TRIM2: variants seen among roughly 807,000 people sequenced by gnomAD.
TRIM2 encodes the protein tripartite motif-containing protein 2.
Under a neutral mutation model 75.2 loss-of-function variants are expected in TRIM2, and 20 were observed. That is an observed-to-expected ratio of 0.27 (90% CI 0.19 to 0.39). TRIM2 has a LOEUF of 0.39. Among genes scored for constraint, TRIM2 ranks in the 10% least tolerant of loss-of-function variants. TRIM2 has a pLI of 1.00. For missense variants in TRIM2, 660 were observed against 990.8 expected, an observed-to-expected ratio of 0.67 and a Z score of 4.48; for synonymous variants, 373 against 388.3, an observed-to-expected ratio of 0.96 and a Z score of 0.46.
intron 6 of TRIM2, among the ~76,000 whole-genome samples, chr4:153,300,810 A>T (rs1272574445): frequency 6.6e-6 from 1 of 151,010 alleles, no homozygotes; most frequent in Non-Finnish European, 1.5e-5. Flanking sequence ...TTTTTTATAT[A>T]CTGGTTGGCC....
At chr4:153,178,292 C>T (rs1731684535) in intron 1 of TRIM2, among the ~76,000 whole-genome samples, 1 of 152,118 alleles carries the variant, frequency 6.6e-6, no homozygotes, top group Non-Finnish European at 1.5e-5. Context: ...CTCAAGCATG[C>T]ACCCCCAGCG....
intron 1 of TRIM2, among the ~76,000 whole-genome samples, chr4:153,170,505 G>T (rs1730741447): frequency 6.6e-6 from 1 of 152,090 alleles, no homozygotes; most frequent in African/African-American, 2.4e-5. Context: ...TCTGCCGCAT[G>T]GTTGCTTTTT....
In TRIM2 at chr4:153,204,503, G is replaced by T. The variant is rs1579515222; in HGVS notation, c.-28G>T. 6.4e-7 allele frequency: 1 copy of T among 1,551,738 alleles called. No individual in the cohort carries two copies. Among genetic ancestry groups the T allele is most frequent in the Non-Finnish European group, 8.7e-7 (1 of 1,146,994 alleles). On this transcript the variant is annotated 5_prime_UTR_variant, in exon 1 of 12. Transcript: ENST00000338700. ...CGGGCTGCGGGGAGCTAAGTCCCCAGATTGGAGGAGGCTGGCTCTGGTCTT... is the reference window on the plus strand; with the variant it reads ...CGGGCTGCGGGGAGCTAAGTCCCCATATTGGAGGAGGCTGGCTCTGGTCTT...
rs537923483 is a variant in TRIM2, at chr4:153,333,843, G to T, written c.2164-971G>T. 2.0e-5 allele frequency among the ~76,000 whole-genome samples: 3 copies of T among 152,190 alleles called. No homozygotes were observed. The East Asian group carries it at 5.8e-4, about 29-fold the overall frequency. On this transcript the variant is annotated intron_variant, in intron 11 of 11. Coordinates refer to ENST00000338700, the MANE Select transcript of TRIM2 (RefSeq NM_015271.5). ...TCTAGAGATGATTTAAAATATATGGGGGGATGTGCACAGGTTAGGTGCAAA... is the reference window on the plus strand; with the variant it reads ...TCTAGAGATGATTTAAAATATATGGTGGGATGTGCACAGGTTAGGTGCAAA...
At chr4:153,181,452 T>C (rs1455987110) in intron 1 of TRIM2, among the ~76,000 whole-genome samples, 1 of 152,090 alleles carries the variant, frequency 6.6e-6, no homozygotes, top group Non-Finnish European at 1.5e-5. Flanking sequence ...GAGTCACCAT[T>C]TGAGCAGAAT....
intron 2 of TRIM2, among the ~76,000 whole-genome samples, chr4:153,271,561 G>A (rs917577878): frequency 1.9e-4 from 29 of 152,202 alleles, no homozygotes; most frequent in African/African-American, 6.7e-4. Context: ...TTTGTTTTGG[G>A]TTGTTGTGGG....
intron 1 of TRIM2, among the ~76,000 whole-genome samples, chr4:153,222,069 GAA>G (rs1740690775): frequency 7.9e-5 from 11 of 139,460 alleles, no homozygotes; most frequent in African/African-American, 2.8e-4. Context: ...AGGAAGGAAG[GAA>G]AGAAAGAGAG....
Position 153,294,364 on chromosome 4 carries a change from A to C in TRIM2, c.665A>C (p.Asn222Thr), listed in dbSNP as rs772230079. The C allele has an allele frequency of 1.2e-6, 2 of 1,614,046 alleles. No individual in the cohort carries two copies. The highest frequency in any genetic ancestry group is 3.3e-5 in the Admixed American group (2 of 60,004). ...FISEIIHQLT[N>T]QKASIVDDIH... ...TCTGAAATCATTCATCAGTTAACCA[A>C]CCAAAAGGCCAGCATCGTGGATGAC... is the stretch of plus-strand genomic sequence containing the variant. Residue 222 changes from asparagine (N) to threonine (T), a missense_variant, in exon 5 of 12, where the codon AAC becomes ACC. Around this residue, in one of 2 missense-constraint regions of TRIM2, gnomAD observed 620 missense variants for 891.0 expected, o/e 0.70. Transcript: ENST00000338700.
At chr4:153,257,271 T>C (rs1353391981) in intron 1 of TRIM2, 1 of 345,722 alleles carries the variant, frequency 2.9e-6, no homozygotes, top group Non-Finnish European at 4.6e-6. Flanking sequence ...CACGAGAGCA[T>C]GGAAACAGCT....
intron 1 of TRIM2, among the ~76,000 whole-genome samples, chr4:153,171,840 C>CTTT (rs398064151): frequency 8.7e-6 from 1 of 114,802 alleles, no homozygotes; most frequent in South Asian, 2.7e-4. Flanking sequence ...CGTTTTGGGG[C>CTTT]TTTTTTTTTT....
intron 1 of TRIM2, chr4:153,257,771 G>A (rs780769800): frequency 4.5e-6 from 2 of 447,378 alleles, no homozygotes; most frequent in Non-Finnish European, 8.6e-6. Flanking sequence ...AAATGGGTAG[G>A]TCCTAAATGT....
intron 1 of TRIM2, among the ~76,000 whole-genome samples, chr4:153,194,556 C>T (rs1579443927): frequency 6.6e-6 from 1 of 152,016 alleles, no homozygotes; most frequent in African/African-American, 2.4e-5. Flanking sequence ...GAAAACGGGT[C>T]AGTGGATGCT....
At chr4:153,246,730 TTGGCCCTAAGGTCA>T (rs1021978890) in intron 1 of TRIM2, among the ~76,000 whole-genome samples, 2 of 152,152 alleles carry the variant, frequency 1.3e-5, no homozygotes, top group African/African-American at 4.8e-5. Flanking sequence ...GTGCCTAGCA[TTGGCCCTAAGGTCA>T]TGGATGGCTC....
intron 1 of TRIM2, among the ~76,000 whole-genome samples, chr4:153,232,756 A>G (rs899326312): frequency 7.9e-5 from 12 of 152,178 alleles, no homozygotes; most frequent in Non-Finnish European, 1.3e-4. Context: ...CTAGAACATA[A>G]CAGTTTACAG....
intron 3 of TRIM2, among the ~76,000 whole-genome samples, chr4:153,290,176 T>C (rs1163444178): frequency 6.6e-6 from 1 of 152,140 alleles, no homozygotes; most frequent in South Asian, 2.1e-4. Context: ...TCCAAAGAAA[T>C]CTCAGAATTT....
rs957155635 is a variant in TRIM2, at chr4:153,338,884, C to A, written c.*3918C>A. ...TGTTCTGTCATCAATGGAGTGTATTCTTGTAATAGAATTCTTTATATCGTT... is the reference window on the plus strand; with the variant it reads ...TGTTCTGTCATCAATGGAGTGTATTATTGTAATAGAATTCTTTATATCGTT... On this transcript the variant is annotated 3_prime_UTR_variant, in exon 12 of 12. Coordinates refer to ENST00000338700, the MANE Select transcript of TRIM2 (RefSeq NM_015271.5). 1 of 984,508 alleles carries A rather than the reference C, an allele frequency of 1.0e-6. No individual in the cohort carries two copies. Among genetic ancestry groups the A allele is most frequent in the African/African-American group, 1.8e-5 (1 of 56,892 alleles). 61.0% of individuals were successfully genotyped at this position (984,508 alleles called of 1,614,324 possible). A position where few individuals can be genotyped will look rare whatever the true frequency, so the allele number is the denominator to read the frequency against.
rs1446466292 is a variant in TRIM2, at chr4:153,338,222, A to G, written c.*3256A>G. The G allele has an allele frequency of 1.0e-6, 1 of 985,754 alleles. No individual in the cohort carries two copies. Among genetic ancestry groups the G allele is most frequent in the Admixed American group, 6.1e-5 (1 of 16,270 alleles). The allele number at this position is 985,754 out of a possible 1,614,324, so 61.1% of individuals were successfully genotyped here. A position where few individuals can be genotyped will look rare whatever the true frequency, so the allele number is the denominator to read the frequency against. ...AAGTATCTGTGAATCCTTAGCACTGACGGGTTAACAGAAATGCTTTGGTAA... is the reference window on the plus strand; with the variant it reads ...AAGTATCTGTGAATCCTTAGCACTGGCGGGTTAACAGAAATGCTTTGGTAA... On this transcript the variant is annotated 3_prime_UTR_variant, in exon 12 of 12. Coordinates refer to ENST00000338700, the MANE Select transcript of TRIM2 (RefSeq NM_015271.5).
At chr4:153,212,986 T>G (rs1737476394) in intron 1 of TRIM2, among the ~76,000 whole-genome samples, 2 of 152,178 alleles carry the variant, frequency 1.3e-5, no homozygotes, top group East Asian at 3.8e-4. Context: ...GGCATGTACT[T>G]TCACAGCTAC....
rs142839463 is a variant in TRIM2, at chr4:153,272,178, G to A, written c.215+1659G>A. On this transcript the variant is annotated intron_variant, in intron 2 of 11. Transcript: ENST00000338700. The stretch of plus-strand genomic sequence containing the variant: ...TTATTTTTAATTTTGAGATGGAGTC[G>A]CACTCTGTTGCCCAGGCTGGAGTGC... Among the ~76,000 whole-genome samples the A allele has an allele frequency of 4.8e-3, 722 of 151,950 alleles. 8 individuals are homozygous for A. The highest frequency in any genetic ancestry group is 0.036 in the South Asian group (171 of 4,794).
Sources: allele counts gnomAD v4.1 joint callset (sites outside exome capture counted in the v4.1 genomes callset), GRCh38; gene constraint gnomAD v4.1.1; regional missense constraint gnomAD v4.1.1; transcripts MANE v1.5; gene names NCBI Gene and HGNC (gene_info 2026-07-23, HGNC 2026-07-21).